Variants in MMP26 observed in about 807,000 individuals in gnomAD.
The protein encoded by MMP26 is matrix metalloproteinase-26.
In MMP26, 33 loss-of-function variants were observed where a neutral mutation model predicts 31.0. The ratio of observed to expected loss-of-function variants is 1.06; its 90% confidence interval spans 0.81 to 1.42. MMP26 has a LOEUF of 1.42. Ranked by LOEUF, MMP26 falls within the 40% of genes most tolerant of loss-of-function variation. The probability of loss-of-function intolerance (pLI) is 0.00; values close to 1 mark genes in which losing one functional copy is unlikely to be tolerated. For synonymous variants in MMP26, 122 were observed against 114.9 expected, an observed-to-expected ratio of 1.06 and a Z score of -0.40; for missense variants, 347 against 316.1, an observed-to-expected ratio of 1.10 and a Z score of -0.74.
intron 2 of MMP26, among the ~76,000 whole-genome samples, chr11:4,958,422 C>G (rs1214544849): frequency 6.6e-6 from 1 of 152,120 alleles, no homozygotes; most frequent in African/African-American, 2.4e-5. Context: ...ATGCAAGAGT[C>G]TTATTTATTT....
chr11:4,882,854 G>T, intron 2 of MMP26: 1 of 1,613,618 alleles, frequency 6.2e-7, no homozygotes, highest in Non-Finnish European at 8.5e-7. Context: ...GGGTTTTAAT[G>T]TGAGGGGTCT....
intron 2 of MMP26, among the ~76,000 whole-genome samples, chr11:4,806,753 A>C (rs1231122821): frequency 6.6e-6 from 1 of 152,180 alleles, no homozygotes; most frequent in African/African-American, 2.4e-5. Context: ...CCAGAGAATA[A>C]GATATAGGTT....
chr11:4,826,773 G>A (rs889667975), intron 2 of MMP26, among the ~76,000 whole-genome samples: 3 of 152,068 alleles, frequency 2.0e-5, no homozygotes, highest in Non-Finnish European at 4.4e-5. Context: ...GAATTTGGAG[G>A]TTGAGAAATG....
intron 2 of MMP26, among the ~76,000 whole-genome samples, chr11:4,828,337 C>A (rs1268222355): frequency 6.6e-6 from 1 of 152,098 alleles, no homozygotes; most frequent in Non-Finnish European, 1.5e-5. Context: ...TACTCACTGA[C>A]GATCCATAGT....
chr11:4,846,616 T>C (rs1308885649), intron 2 of MMP26, among the ~76,000 whole-genome samples: 1 of 152,176 alleles, frequency 6.6e-6, no homozygotes, highest in Non-Finnish European at 1.5e-5. Context: ...CCATTCTTCA[T>C]GATGTGATTA....
At chr11:4,769,422 T>C in intron 2 of MMP26, 1 of 1,613,762 alleles carries the variant, frequency 6.2e-7, no homozygotes, top group African/African-American at 1.3e-5. Flanking sequence ...TAGAGAGGCT[T>C]AAGGAGCAAA....
intron 2 of MMP26, chr11:4,914,483 T>C: frequency 2.1e-6 from 1 of 474,040 alleles, no homozygotes; most frequent in Non-Finnish European, 3.8e-6. Context: ...AGCATGTGGG[T>C]TTAGAATTAT....
At chr11:4,902,816 G>A (rs73405067) in intron 2 of MMP26, among the ~76,000 whole-genome samples, 5,004 of 152,164 alleles carry the variant, frequency 0.033, 275 homozygotes, top group African/African-American at 0.12. Context: ...ATGGGAACTA[G>A]CAATGAGTGG....
chr11:4,722,477 T>C lies in MMP26; in HGVS notation c.-217+17432T>C, dbSNP rs1485793618. 1.1e-4 allele frequency among the ~76,000 whole-genome samples: 15 copies of C among 140,452 alleles called. 1 individual carries two copies. Among genetic ancestry groups the C allele is most frequent in the African/African-American group, 4.4e-4 (15 of 33,772 alleles). 92.1% of individuals were successfully genotyped at this position (140,452 alleles called of 152,430 possible). A position where few individuals can be genotyped will look rare whatever the true frequency, so the allele number is the denominator to read the frequency against. ...TAAGGCGTGAAGTAATTACTTTTTT[T>C]TTTTTTTTTTTTTTTGGCAGGGTTA... is the stretch of plus-strand genomic sequence containing the variant. On this transcript the variant is annotated intron_variant, in intron 1 of 7. Transcript: ENST00000380390.
At chr11:4,935,764 T>A (rs1851430757) in intron 2 of MMP26, among the ~76,000 whole-genome samples, 1 of 150,840 alleles carries the variant, frequency 6.6e-6, no homozygotes, top group Non-Finnish European at 1.5e-5. Context: ...AATACCTAAT[T>A]TATTGAGAGT....
At chr11:4,886,173 CT>C (rs1229888687) in intron 2 of MMP26, among the ~76,000 whole-genome samples, 1 of 151,994 alleles carries the variant, frequency 6.6e-6, no homozygotes, top group Non-Finnish European at 1.5e-5. Flanking sequence ...CTCTGATTAC[CT>C]TTATAGATTT....
At chr11:4,758,465 GGAAAAAA>G (rs1848532198) in intron 1 of MMP26, among the ~76,000 whole-genome samples, 1 of 99,036 alleles carries the variant, frequency 1.0e-5, no homozygotes, top group African/African-American at 4.7e-5. Context: ...TCATCCATTT[GGAAAAAA>G]AAAAAAAAAA....
At chr11:4,888,108 A>G (rs1468580432) in intron 2 of MMP26, among the ~76,000 whole-genome samples, 4 of 152,148 alleles carry the variant, frequency 2.6e-5, no homozygotes, top group African/African-American at 9.7e-5. Context: ...AATAACAGTA[A>G]TTACTTGTGA....
At chr11:4,862,994 G>A (rs1234170437) in intron 2 of MMP26, among the ~76,000 whole-genome samples, 2 of 152,140 alleles carry the variant, frequency 1.3e-5, no homozygotes, top group East Asian at 1.9e-4. Flanking sequence ...GTTTGGGCCT[G>A]CTGTTCTGTA....
intron 2 of MMP26, chr11:4,943,721 T>A (rs1846251150): frequency 2.8e-6 from 1 of 353,236 alleles, no homozygotes; most frequent in African/African-American, 2.1e-5. Flanking sequence ...GCCCCAGAGT[T>A]GAGATTTTAA....
intron 2 of MMP26, among the ~76,000 whole-genome samples, chr11:4,850,029 A>G (rs2133499135): frequency 6.6e-6 from 1 of 152,304 alleles, no homozygotes; most frequent in Non-Finnish European, 1.5e-5. Context: ...TGAAATATAC[A>G]ATACATTGTT....
chr11:4,875,355 A>G (rs1252231416), intron 2 of MMP26: 1 of 152,132 alleles, frequency 6.6e-6, no homozygotes, highest in Non-Finnish European at 1.5e-5. Flanking sequence ...TATTGCTGCC[A>G]TAAGAAGTTA....
chr11:4,977,260 A>C (rs1353304978), intron 2 of MMP26, among the ~76,000 whole-genome samples: 3 of 152,136 alleles, frequency 2.0e-5, no homozygotes, highest in Non-Finnish European at 2.9e-5. Context: ...AACAGCTATG[A>C]GGGAAAAAAG....
intron 2 of MMP26, chr11:4,848,221 C>T (rs763236815): frequency 5.8e-5 from 92 of 1,581,702 alleles, no homozygotes; most frequent in East Asian, 4.7e-4. Flanking sequence ...CCACCAAACA[C>T]GGAGGGACAT....
Sources: gnomAD v4.1 joint callset for allele counts (sites outside exome capture counted in the v4.1 genomes callset) on GRCh38, gnomAD v4.1.1 for gene constraint, MANE v1.5 for transcripts, NCBI Gene and HGNC (gene_info 2026-07-23, HGNC 2026-07-21) for gene names.